Variants in AGBL1 observed in about 807,000 individuals in gnomAD.
The protein encoded by AGBL1 is cytosolic carboxypeptidase 4.
AGBL1 carries 130 observed loss-of-function variants against 118.9 expected under a neutral mutation model. The observed-to-expected ratio is 1.09, with a 90% CI of 0.95 to 1.26. The LOEUF (loss-of-function observed/expected upper bound fraction) is 1.26, where lower values mean the gene tolerates loss of function less well. Among genes scored for constraint, AGBL1 ranks in the 50% most tolerant of loss-of-function variants. The pLI is 0.00. For missense variants in AGBL1, 1,584 were observed against 1,298.1 expected (o/e 1.22, Z -3.38); for synonymous variants, 555 against 478.9 (o/e 1.16, Z -2.08).
At chr15:86,348,407 G>T (rs545988710) in intron 17 of AGBL1, among the ~76,000 whole-genome samples, 3 of 152,288 alleles carry the variant, frequency 2.0e-5, no homozygotes, top group African/African-American at 4.8e-5. Flanking sequence ...GCACTGCTTC[G>T]CAATTACTGG....
At chr15:86,087,945 A>AC (rs1220463718) in intron 1 of AGBL1, among the ~76,000 whole-genome samples, 5 of 152,238 alleles carry the variant, frequency 3.3e-5, no homozygotes, top group African/African-American at 1.2e-4. Context: ...GGCTGGAAGG[A>AC]CTGGCCAAAA....
intron 22 of AGBL1, among the ~76,000 whole-genome samples, chr15:86,754,991 A>G (rs926603185): frequency 6.6e-6 from 1 of 152,080 alleles, no homozygotes; most frequent in Non-Finnish European, 1.5e-5. Context: ...GAGGGGGTAT[A>G]TGATGTGGGA....
chr15:86,942,447 A>G (rs928621000), intron 23 of AGBL1, among the ~76,000 whole-genome samples: 1 of 152,174 alleles, frequency 6.6e-6, no homozygotes, highest in African/African-American at 2.4e-5. Context: ...TACATTCTGA[A>G]CTTGTGGCTT....
At chr15:86,608,846 C>T (rs2142386382) in intron 21 of AGBL1, among the ~76,000 whole-genome samples, 1 of 152,250 alleles carries the variant, frequency 6.6e-6, no homozygotes, top group South Asian at 2.1e-4. Flanking sequence ...AGTTTGGACC[C>T]TGTGAGCATC....
chr15:86,692,396 A>G (rs777949984), intron 22 of AGBL1, among the ~76,000 whole-genome samples: 1 of 152,032 alleles, frequency 6.6e-6, no homozygotes, highest in African/African-American at 2.4e-5. Context: ...GGAAGTTAGT[A>G]TCACCCTTAG....
chr15:86,646,200 A>G (rs1177678187), intron 21 of AGBL1, among the ~76,000 whole-genome samples: 1 of 152,180 alleles, frequency 6.6e-6, no homozygotes, highest in Admixed American at 6.5e-5. Context: ...GCAGAAGGGA[A>G]TTATCATGGT....
chr15:86,196,869 G>GCGCGCGCT (rs1555446444), intron 5 of AGBL1, among the ~76,000 whole-genome samples: 2 of 44,612 alleles, frequency 4.5e-5, no homozygotes, highest in African/African-American at 4.2e-4. Context: ...GTGCACATGT[G>GCGCGCGCT]CGCGCGCGCG....
chr15:86,385,104 C>T (rs2081163850), intron 17 of AGBL1, among the ~76,000 whole-genome samples: 2 of 152,102 alleles, frequency 1.3e-5, no homozygotes, highest in South Asian at 2.1e-4. Flanking sequence ...TTGCTCTGTG[C>T]TGCAAGTATA....
intron 22 of AGBL1, among the ~76,000 whole-genome samples, chr15:86,840,044 T>C (rs1009868834): frequency 4.6e-5 from 7 of 152,202 alleles, no homozygotes; most frequent in African/African-American, 1.4e-4. Context: ...TGGAGCATCA[T>C]ATTTTTATTG....
At chr15:87,030,241 T>G (rs941328798), downstream of AGBL1, among the ~76,000 whole-genome samples, 10 of 151,978 alleles carry the variant, frequency 6.6e-5, no homozygotes, top group Non-Finnish European at 1.5e-5. Context: ...TGGGCATATG[T>G]ATACAAGGTT....
intron 21 of AGBL1, among the ~76,000 whole-genome samples, chr15:86,569,643 T>C (rs1247487995): frequency 2.0e-5 from 3 of 152,218 alleles, no homozygotes; most frequent in Non-Finnish European, 4.4e-5. Context: ...TAAAATATTG[T>C]CCTCATTCTG....
intron 22 of AGBL1, among the ~76,000 whole-genome samples, chr15:86,711,729 C>T (rs2142689446): frequency 6.6e-6 from 1 of 152,276 alleles, no homozygotes; most frequent in Admixed American, 6.5e-5. Flanking sequence ...TGCTTATTCA[C>T]ATGCTATTGC....
rs185915229 is a variant in AGBL1 at position 86,658,214 on chromosome 15, T to G, written c.2995-16059T>G. Among the ~76,000 whole-genome samples, 77 of 152,252 alleles carry G rather than the reference T, an allele frequency of 5.1e-4. 2 individuals are homozygous for G. The East Asian group carries it at 0.014, about 28-fold the overall frequency. ...GGTCACAGCACTTTCAAAACTATCA[T>G]GAAGCAATTAATAATGTAATGCCTC... On this transcript the variant is annotated intron_variant, in intron 21 of 22. Coordinates refer to ENST00000614907, the MANE Select transcript of AGBL1 (RefSeq NM_001386094.1).
chr15:86,410,752 T>C (rs1567242643), intron 18 of AGBL1, among the ~76,000 whole-genome samples: 2 of 132,690 alleles, frequency 1.5e-5, no homozygotes, highest in African/African-American at 5.7e-5. Context: ...GGATAAGCCA[T>C]GGCAATAGGA....
At chr15:86,501,692 G>A (rs1439458393) in intron 18 of AGBL1, among the ~76,000 whole-genome samples, 2 of 151,480 alleles carry the variant, frequency 1.3e-5, no homozygotes, top group Non-Finnish European at 3.0e-5. Context: ...AGCACCATTT[G>A]TTGAAAAGGC....
At chr15:86,916,285 G>A (rs1279074662), downstream of AGBL1, 1 of 152,144 alleles carries the variant, frequency 6.6e-6, no homozygotes, top group Non-Finnish European at 1.5e-5. Flanking sequence ...CCTGTCCAAG[G>A]AGGCAAGCCG....
chr15:86,644,209 T>A (rs940225842), intron 21 of AGBL1, among the ~76,000 whole-genome samples: 2 of 152,234 alleles, frequency 1.3e-5, no homozygotes, highest in African/African-American at 4.8e-5. Flanking sequence ...TATATTTATC[T>A]CAATTTTTAA....
At chr15:86,813,630 G>A (rs922850782) in intron 22 of AGBL1, among the ~76,000 whole-genome samples, 9 of 152,012 alleles carry the variant, frequency 5.9e-5, no homozygotes, top group African/African-American at 2.2e-4. Context: ...TCCTCACCTG[G>A]CTCTCATTTC....
At chr15:86,701,914 C>T (rs937043194) in intron 22 of AGBL1, among the ~76,000 whole-genome samples, 1 of 149,424 alleles carries the variant, frequency 6.7e-6, no homozygotes, top group Non-Finnish European at 1.5e-5. Context: ...TTCCTCCCAT[C>T]CACTACCCTT....
Sources: allele counts gnomAD v4.1 joint callset (sites outside exome capture counted in the v4.1 genomes callset), GRCh38; gene constraint gnomAD v4.1.1; transcripts MANE v1.5; gene names NCBI Gene and HGNC (gene_info 2026-07-23, HGNC 2026-07-21).